FOXK1: variants seen among roughly 807,000 people sequenced by gnomAD.
FOXK1 encodes forkhead box protein K1.
A neutral mutation model predicts 51.9 loss-of-function variants in FOXK1; 19 were observed. The observed-to-expected ratio is 0.37, with a 90% CI of 0.26 to 0.54. The LOEUF is 0.54. Among genes scored for constraint, FOXK1 ranks in the 20% least tolerant of loss-of-function variants. The pLI is 0.87. For synonymous variants in FOXK1, 537 were observed against 482.6 expected, an observed-to-expected ratio of 1.11 and a Z score of -1.48; for missense variants, 870 against 1,032.7, an observed-to-expected ratio of 0.84 and a Z score of 2.16.
rs866982817 is a variant in FOXK1 at position 4,715,184 on chromosome 7, C to T, written c.561-25654C>T. On this transcript the variant is annotated intron_variant, in intron 1 of 8. Transcript: ENST00000328914. This position sits in a 1 kb window ranked among gnomAD's most constrained non-coding sequence, Gnocchi z 4.5. ...GGTGGAACTGTGACGATACGGGGCA[C>T]GGTGGAACTGTGGCGATACGGGGCA... Among the ~76,000 whole-genome samples, 5 of 151,696 alleles carry T rather than the reference C, an allele frequency of 3.3e-5. No individual in the cohort carries two copies. Among genetic ancestry groups the T allele is most frequent in the Admixed American group, 2.0e-4 (3 of 15,226 alleles).
rs1289612250 is a variant in FOXK1 at position 4,703,041 on chromosome 7, G to T, written c.560+20173G>T. 6.6e-6 allele frequency among the ~76,000 whole-genome samples: 1 copy of T among 152,182 alleles called. No homozygotes were observed. Among genetic ancestry groups the T allele is most frequent in the Non-Finnish European group, 1.5e-5 (1 of 68,044 alleles). On this transcript the variant is annotated intron_variant, in intron 1 of 8. Transcript: ENST00000328914. This position sits in a 1 kb window ranked among gnomAD's most constrained non-coding sequence, Gnocchi z 5.6. ...AGGCCGTCCTCAGCTCCCCCTGCCAGGTCCGGTTGGGGACCGAGACCCCTG... is the reference window on the plus strand; with the variant it reads ...AGGCCGTCCTCAGCTCCCCCTGCCATGTCCGGTTGGGGACCGAGACCCCTG...
At chr7:4,706,256 A>G (rs537169795) in intron 1 of FOXK1, among the ~76,000 whole-genome samples, 2 of 152,166 alleles carry the variant, frequency 1.3e-5, no homozygotes, top group Admixed American at 6.5e-5. Flanking sequence ...CATATTCACA[A>G]CGGCTGCTGA....
At chr7:4,741,055 C>G in intron 2 of FOXK1, 32 bp downstream of exon 2, 3 of 1,443,276 alleles carry the variant, frequency 2.1e-6, no homozygotes, top group Non-Finnish European at 2.8e-6. Context: ...CCTTGGGCCC[C>G]CAGGAGAGAG....
chr7:4,722,347 C>G lies in FOXK1; in HGVS notation c.561-18491C>G, dbSNP rs989160904. Among the ~76,000 whole-genome samples, 4 of 152,232 alleles carry G rather than the reference C, an allele frequency of 2.6e-5. No homozygotes were observed. Among genetic ancestry groups the G allele is most frequent in the South Asian group, 4.1e-4 (2 of 4,830 alleles). The stretch of plus-strand genomic sequence containing the variant: ...GTTTTACCCAGATTCCCATTGTTGC[C>G]TCTTATGTACTTTGGTCGTTCGTAT... On this transcript the variant is annotated intron_variant, in intron 1 of 8. Coordinates refer to ENST00000328914, the MANE Select transcript of FOXK1 (RefSeq NM_001037165.2). This position sits in a 1 kb window ranked among gnomAD's most constrained non-coding sequence, Gnocchi z 5.1.
rs1423475475 is a variant in FOXK1 at position 4,733,497 on chromosome 7, T to A, written c.561-7341T>A. Among the ~76,000 whole-genome samples the A allele has an allele frequency of 6.6e-6, 1 of 152,246 alleles. No homozygotes were observed. Among genetic ancestry groups the A allele is most frequent in the Non-Finnish European group, 1.5e-5 (1 of 68,046 alleles). ...GGAAGGGGAGGAGTGAAGAAGGCCC[T>A]TGGTTCCTCATATAGACATGACCCA... On this transcript the variant is annotated intron_variant, in intron 1 of 8. Coordinates refer to ENST00000328914, the MANE Select transcript of FOXK1 (RefSeq NM_001037165.2). This position sits in a 1 kb window ranked among gnomAD's most constrained non-coding sequence, Gnocchi z 5.0.
At chr7:4,760,011 C>A in intron 7 of FOXK1, 2 of 185,080 alleles carry the variant, frequency 1.1e-5, no homozygotes, top group Non-Finnish European at 2.2e-5. Context: ...GCCTGGGCGA[C>A]AGAGCAAAAC....
chr7:4,741,961 C>G (rs1265574019), intron 2 of FOXK1, among the ~76,000 whole-genome samples: 1 of 152,252 alleles, frequency 6.6e-6, no homozygotes, highest in Admixed American at 6.5e-5. Flanking sequence ...GTACTTGAGG[C>G]TGGAGGGTTC....
intron 2 of FOXK1, among the ~76,000 whole-genome samples, chr7:4,742,686 A>T (rs957526818): frequency 6.6e-6 from 1 of 152,082 alleles, no homozygotes; most frequent in Non-Finnish European, 1.5e-5. Context: ...CAAAGTGCTG[A>T]GGTTACAGGT....
rs1421353244 is a variant in FOXK1 at position 4,731,547 on chromosome 7, G to T, written c.561-9291G>T. 6.6e-6 allele frequency among the ~76,000 whole-genome samples: 1 copy of T among 152,148 alleles called. No individual in the cohort carries two copies. Among genetic ancestry groups the T allele is most frequent in the African/African-American group, 2.4e-5 (1 of 41,452 alleles). On this transcript the variant is annotated intron_variant, in intron 1 of 8. Coordinates refer to ENST00000328914, the MANE Select transcript of FOXK1 (RefSeq NM_001037165.2). The surrounding 1 kb of genome is among the most constrained non-coding windows in gnomAD (Gnocchi z 5.3). Reference sequence around the variant, plus strand: ...GGCCAAAGCGGGTGCATCACCTGAGGTCAGGAGTTCAAGACCAGCCTGGCC... The same window carrying T: ...GGCCAAAGCGGGTGCATCACCTGAGTTCAGGAGTTCAAGACCAGCCTGGCC...
At position 4,760,254 on chromosome 7, in the gene FOXK1, G is replaced by A. The variant is rs547714951; in HGVS notation, c.1696+659G>A. Among the ~76,000 whole-genome samples the A allele has an allele frequency of 1.8e-4, 28 of 152,290 alleles. 1 individual carries two copies. The highest frequency in any genetic ancestry group is 6.5e-4 in the African/African-American group (27 of 41,554). On this transcript the variant is annotated intron_variant, in intron 7 of 8. Coordinates refer to ENST00000328914, the MANE Select transcript of FOXK1 (RefSeq NM_001037165.2). Reference sequence around the variant, plus strand: ...GTTAAAGACTTTAGAAGTCATTTAGGGAAAAAGTAGTTCTGAATTGCTAAA... The same window carrying A: ...GTTAAAGACTTTAGAAGTCATTTAGAGAAAAAGTAGTTCTGAATTGCTAAA...
Position 4,715,436 on chromosome 7 carries a change from C to G in FOXK1, c.561-25402C>G, listed in dbSNP as rs1780221825. On this transcript the variant is annotated intron_variant, in intron 1 of 8. Transcript: ENST00000328914. The surrounding 1 kb of genome is among the most constrained non-coding windows in gnomAD (Gnocchi z 4.5). ...GATCGTCTGTGCACCCATCCTTGCCCTGCCTCCCTCCTTCTAGGGGGTTGG... is the reference window on the plus strand; with the variant it reads ...GATCGTCTGTGCACCCATCCTTGCCGTGCCTCCCTCCTTCTAGGGGGTTGG... 1.3e-5 allele frequency among the ~76,000 whole-genome samples: 2 copies of G among 152,172 alleles called. No homozygotes were observed. The highest frequency in any genetic ancestry group is 1.3e-4 in the Admixed American group (2 of 15,282).
intron 7 of FOXK1, chr7:4,759,900 G>A: frequency 2.1e-6 from 1 of 478,920 alleles, no homozygotes; most frequent in Non-Finnish European, 3.7e-6. Flanking sequence ...GCATGATGAT[G>A]CGCTCCTGTA....
In FOXK1 at chr7:4,761,083, C is replaced by T; in HGVS notation, c.1716C>T (p.Thr572=). The part of the protein sequence containing the change: ...SEARGLEEKP[T]IAFATIPAAG... Reference sequence around the variant, plus strand: ...CCGCAGGCCTGGAGGAGAAACCCACCATTGCGTTTGCCACAATCCCCGCGG... The same window carrying T: ...CCGCAGGCCTGGAGGAGAAACCCACTATTGCGTTTGCCACAATCCCCGCGG... Residue 572 remains threonine, a synonymous_variant, in exon 8 of 9, where the codon ACC becomes ACT. Coordinates refer to ENST00000328914, the MANE Select transcript of FOXK1 (RefSeq NM_001037165.2). This position sits in a 1 kb window ranked among gnomAD's most constrained non-coding sequence, Gnocchi z 6.2. 6.2e-7 allele frequency: 1 copy of T among 1,612,874 alleles called. No homozygotes were observed. Among genetic ancestry groups the T allele is most frequent in the South Asian group, 1.1e-5 (1 of 91,074 alleles).
At chr7:4,710,431 T>C (rs1203465767) in intron 1 of FOXK1, among the ~76,000 whole-genome samples, 2 of 151,942 alleles carry the variant, frequency 1.3e-5, no homozygotes, top group South Asian at 2.1e-4. Context: ...AAAAATTAGC[T>C]GGGCGTGGTG....
chr7:4,754,789 G>A (rs536131278), intron 3 of FOXK1, 174 bp downstream of exon 3: 31 of 832,724 alleles, frequency 3.7e-5, no homozygotes, highest in Middle Eastern at 7.4e-4. Context: ...TCTCGTTTTC[G>A]TGCCCAAATC....
At position 4,770,864 on chromosome 7, in the gene FOXK1, G is replaced by GGGGTGTGT. The variant is rs1336908488; in HGVS notation, c.*8401_*8402insGGTGTGTG. On this transcript the variant is annotated 3_prime_UTR_variant, in exon 9 of 9. Coordinates refer to ENST00000328914, the MANE Select transcript of FOXK1 (RefSeq NM_001037165.2). ...AATTTGGGAGGGGCGGGTGTTGTTC[G>GGGGTGTGT]GTGTGTGTGTGTGTGTGTGTGTGTG... 1.4e-5 allele frequency: 2 copies of GGGGTGTGT among 140,368 alleles called. No homozygotes were observed. Among genetic ancestry groups the GGGGTGTGT allele is most frequent in the African/African-American group, 2.7e-5 (1 of 37,326 alleles). The allele number at this position is 140,368 out of a possible 1,614,324, so 8.7% of individuals were successfully genotyped here. A position where few individuals can be genotyped will look rare whatever the true frequency, so the allele number is the denominator to read the frequency against.
Position 4,762,353 on chromosome 7 carries a change from T to C in FOXK1, c.2091T>C (p.Thr697=). 6.4e-7 allele frequency: 1 copy of C among 1,550,690 alleles called. No individual in the cohort carries two copies. The highest frequency in any genetic ancestry group is 8.7e-7 in the Non-Finnish European group (1 of 1,146,914). ...CCGCCTCTGCCTCCGCCTCTTCCAC[T>C]GGAGAGCCCGAGGTCAAAAGGTCCC... The part of the protein sequence containing the change: ...ATTASASASS[T]GEPEVKRSRV... Residue 697 remains threonine, a synonymous_variant, in exon 9 of 9, where the codon ACT becomes ACC. Coordinates refer to ENST00000328914, the MANE Select transcript of FOXK1 (RefSeq NM_001037165.2). This position sits in a 1 kb window ranked among gnomAD's most constrained non-coding sequence, Gnocchi z 5.7.
At chr7:4,685,341 A>C (rs1779805555) in intron 1 of FOXK1, among the ~76,000 whole-genome samples, 1 of 146,850 alleles carries the variant, frequency 6.8e-6, no homozygotes, top group South Asian at 2.1e-4. Context: ...CAGCCTCCTG[A>C]GTGGCTGGGA....
At chr7:4,684,672 C>T (rs929298304) in intron 1 of FOXK1, among the ~76,000 whole-genome samples, 1 of 152,166 alleles carries the variant, frequency 6.6e-6, no homozygotes, top group East Asian at 1.9e-4. Flanking sequence ...CCCAGGCCCC[C>T]CTTAGAGGCC....
Sources: gnomAD v4.1 joint callset for allele counts (sites outside exome capture counted in the v4.1 genomes callset) on GRCh38, gnomAD v4.1.1 for gene constraint, Gnocchi (gnomAD v3.1) non-coding constraint, MANE v1.5 for transcripts, NCBI Gene and HGNC (gene_info 2026-07-23, HGNC 2026-07-21) for gene names.